TAF4B: variants seen among roughly 807,000 people sequenced by gnomAD.
The protein encoded by TAF4B is transcription initiation factor TFIID subunit 4B.
In TAF4B, 38 loss-of-function variants were observed where a neutral mutation model predicts 86.4. That is an observed-to-expected ratio of 0.44 (90% CI 0.34 to 0.58). TAF4B has a LOEUF of 0.58. TAF4B is among the 20% of genes least tolerant of loss of function. The pLI is 0.02. For missense variants in TAF4B, 988 were observed against 1,027.6 expected, an observed-to-expected ratio of 0.96 and a Z score of 0.53; for synonymous variants, 388 against 391.2, an observed-to-expected ratio of 0.99 and a Z score of 0.10.
At chr18:26,330,055 C>T (rs2057038805) in intron 12 of TAF4B, among the ~76,000 whole-genome samples, 1 of 152,074 alleles carries the variant, frequency 6.6e-6, no homozygotes, top group Non-Finnish European at 1.5e-5. Flanking sequence ...TTTCATAGGA[C>T]GGCATTCTAA....
At chr18:26,266,244 C>G (rs1179459846) in intron 2 of TAF4B, 1 of 152,196 alleles carries the variant, frequency 6.6e-6, no homozygotes, top group South Asian at 2.1e-4. Flanking sequence ...TCCTGAGTAG[C>G]TGGGATTACA....
intron 12 of TAF4B, among the ~76,000 whole-genome samples, chr18:26,330,383 C>T (rs1275423011): frequency 6.6e-6 from 1 of 152,194 alleles, no homozygotes; most frequent in Non-Finnish European, 1.5e-5. Flanking sequence ...CCATCCATCA[C>T]TCACTGAGCA....
intron 10 of TAF4B, among the ~76,000 whole-genome samples, 179 bp from the exon 11 acceptor site, chr18:26,320,891 G>A (rs191059802): frequency 6.6e-6 from 1 of 152,118 alleles, no homozygotes; most frequent in Admixed American, 6.6e-5. Flanking sequence ...TTCAGGCTAG[G>A]TTTTATTAAT....
chr18:26,321,985 A>G (rs2056967228), intron 11 of TAF4B, among the ~76,000 whole-genome samples: 1 of 152,188 alleles, frequency 6.6e-6, no homozygotes, highest in African/African-American at 2.4e-5. Flanking sequence ...ATCAAGGTAA[A>G]ATAACTTGAT....
At position 26,346,883 on chromosome 18, in the gene TAF4B, A is replaced by ATGTG. The variant is rs1567914217; in HGVS notation, c.2317-10806_2317-10805insGTGT. 9.0e-4 allele frequency among the ~76,000 whole-genome samples: 7 copies of ATGTG among 7,764 alleles called. 2 individuals carry two copies. Among genetic ancestry groups the ATGTG allele is most frequent in the African/African-American group, 1.5e-3 (7 of 4,584 alleles). The allele number at this position is 7,764 out of a possible 152,430, so 5.1% of individuals were successfully genotyped here. A position where few individuals can be genotyped will look rare whatever the true frequency, so the allele number is the denominator to read the frequency against. Reference sequence around the variant, plus strand: ...TGTGTATATATATATATGTGTATATATATATATATATATATATGTGTGTGT... The same window carrying ATGTG: ...TGTGTATATATATATATGTGTATATATGTGTATATATATATATATATGTGTGTGT... On this transcript the variant is annotated intron_variant, in intron 13 of 14. Coordinates refer to ENST00000269142, the MANE Select transcript of TAF4B (RefSeq NM_005640.3).
intron 1 of TAF4B, among the ~76,000 whole-genome samples, chr18:26,263,515 T>C (rs1448826980): frequency 6.6e-6 from 1 of 152,248 alleles, no homozygotes; most frequent in Non-Finnish European, 1.5e-5. Flanking sequence ...GTTTCTTTTG[T>C]GCATTTTGGA....
intron 14 of TAF4B, among the ~76,000 whole-genome samples, chr18:26,359,065 G>A (rs779983620): frequency 6.6e-6 from 1 of 152,096 alleles, no homozygotes; most frequent in Non-Finnish European, 1.5e-5. Flanking sequence ...ATATATGTGG[G>A]CACATATATG....
At chr18:26,290,886 T>G (rs750837449) in intron 7 of TAF4B, among the ~76,000 whole-genome samples, 19 of 152,344 alleles carry the variant, frequency 1.2e-4, no homozygotes, top group Non-Finnish European at 2.6e-4. Context: ...AAATGAGACC[T>G]GTATATTACT....
Position 26,390,115 on chromosome 18 carries a change from A to C in TAF4B, c.*103A>C. On this transcript the variant is annotated 3_prime_UTR_variant, in exon 15 of 15. Transcript: ENST00000269142. ...TTCAATTTCTGGAAAATAATCACCAACATGAAAGAGCATTGTTTACAGTTA... is the reference window on the plus strand; with the variant it reads ...TTCAATTTCTGGAAAATAATCACCACCATGAAAGAGCATTGTTTACAGTTA... 2 of 1,207,464 alleles carry C rather than the reference A, an allele frequency of 1.7e-6. No homozygotes were observed. Among genetic ancestry groups the C allele is most frequent in the Non-Finnish European group, 2.3e-6 (2 of 866,672 alleles). 74.8% of individuals were successfully genotyped at this position (1,207,464 alleles called of 1,614,324 possible). A position where few individuals can be genotyped will look rare whatever the true frequency, so the allele number is the denominator to read the frequency against.
chr18:26,232,928 G>A (rs1208828212), intron 1 of TAF4B, among the ~76,000 whole-genome samples: 3 of 152,176 alleles, frequency 2.0e-5, no homozygotes, highest in African/African-American at 2.4e-5. Context: ...TATAAGTAGT[G>A]GTATTAGTTG....
At chr18:26,238,192 A>G (rs1169337458) in intron 1 of TAF4B, among the ~76,000 whole-genome samples, 3 of 152,180 alleles carry the variant, frequency 2.0e-5, no homozygotes, top group Non-Finnish European at 2.9e-5. Context: ...CACATTTTCG[A>G]AAACCTGTTA....
chr18:26,272,537 C>G (rs566982387), intron 3 of TAF4B, among the ~76,000 whole-genome samples: 1 of 152,098 alleles, frequency 6.6e-6, no homozygotes, highest in African/African-American at 2.4e-5. Flanking sequence ...TAAATGCCCC[C>G]TCTACTTGTA....
chr18:26,335,185 A>C lies in TAF4B; in HGVS notation c.2270A>C (p.Asn757Thr), dbSNP rs775927710. Residue 757 changes from asparagine (N) to threonine (T), a missense_variant, in exon 13 of 15, where the codon AAT becomes ACT. Physicochemically the swap from Asn to Thr is moderately conservative, Grantham distance 65 (BLOSUM62 0). Transcript: ENST00000269142. ...MLLKAAKSRS[N>T]KEDPEQLRLK... ...CTTTTCCTTTGATAGAGTCGTTCTA[A>C]TAAAGAAGATCCAGAACAGCTGAGA... 1.9e-6 allele frequency: 3 copies of C among 1,612,878 alleles called. No homozygotes were observed. The highest frequency in any genetic ancestry group is 3.3e-5 in the Admixed American group (2 of 60,016).
rs557639766 is a variant in TAF4B, at chr18:26,265,607, C to T, written c.489+292C>T. Among the ~76,000 whole-genome samples, 277 of 152,286 alleles carry T rather than the reference C, an allele frequency of 1.8e-3. 1 individual carries two copies. Among genetic ancestry groups the T allele is most frequent in the African/African-American group, 6.5e-3 (270 of 41,562 alleles). ...TCACTCTCTCTCCCAGGCTGGAGTACAATTGCGTGAACATGGCTCACTTGG... is the reference window on the plus strand; with the variant it reads ...TCACTCTCTCTCCCAGGCTGGAGTATAATTGCGTGAACATGGCTCACTTGG... On this transcript the variant is annotated intron_variant, in intron 2 of 14. Coordinates refer to ENST00000269142, the MANE Select transcript of TAF4B (RefSeq NM_005640.3).
rs141199569 is a variant in TAF4B at position 26,288,837 on chromosome 18, C to A, written c.1590+2338C>A. 2.4e-4 allele frequency among the ~76,000 whole-genome samples: 36 copies of A among 152,240 alleles called. No individual in the cohort carries two copies. The East Asian group carries it at 4.1e-3, about 17-fold the overall frequency. On this transcript the variant is annotated intron_variant, in intron 7 of 14. Transcript: ENST00000269142. ...GTTTGACTTGTTATACATTATAAATCATTTCAATAAAGAAATAATGCAACA... is the reference window on the plus strand; with the variant it reads ...GTTTGACTTGTTATACATTATAAATAATTTCAATAAAGAAATAATGCAACA...
chr18:26,265,785 T>C (rs182663642), intron 2 of TAF4B, among the ~76,000 whole-genome samples: 2 of 152,302 alleles, frequency 1.3e-5, no homozygotes, highest in East Asian at 3.9e-4. Context: ...TCTTGAATTC[T>C]TGGGCTCATG....
At chr18:26,236,209 A>G (rs892724780) in intron 1 of TAF4B, among the ~76,000 whole-genome samples, 2 of 152,234 alleles carry the variant, frequency 1.3e-5, no homozygotes, top group South Asian at 4.1e-4. Context: ...ACTTTCAGGC[A>G]TAACAAGAAA....
chr18:26,307,795 T>C (rs539509987), intron 9 of TAF4B, among the ~76,000 whole-genome samples: 7 of 152,316 alleles, frequency 4.6e-5, no homozygotes, highest in African/African-American at 1.7e-4. Context: ...TTTCATCATA[T>C]ATAATTCATT....
rs752742396 is a variant in TAF4B, at chr18:26,293,537, AAAAT to A, written c.1832+12_1832+15del. 3.3e-6 allele frequency: 5 copies of A among 1,536,700 alleles called. No homozygotes were observed. In the East Asian group the frequency reaches 1.2e-4, roughly 36 times the overall value. On this transcript the variant is annotated splice_region_variant and intron_variant, in intron 9 of 14. Transcript: ENST00000269142. ...AATGTAACATCATGCTTCCGGTAAGAAAATAAATAGTTAAATTTGGTTTAAGGAA... is the reference window on the plus strand; with the variant it reads ...AATGTAACATCATGCTTCCGGTAAGAAAATAGTTAAATTTGGTTTAAGGAA...
Sources: gnomAD v4.1 joint callset for allele counts (sites outside exome capture counted in the v4.1 genomes callset) on GRCh38, gnomAD v4.1.1 for gene constraint, MANE v1.5 for transcripts, NCBI Gene and HGNC (gene_info 2026-07-23, HGNC 2026-07-21) for gene names.